The following ZFPM1 variants were observed in gnomAD, a reference collection of about 807,000 sequenced individuals.
The protein encoded by ZFPM1 is zinc finger protein, FOG family member 1, also known as zinc finger protein ZFPM1.
Under a neutral mutation model 46.3 loss-of-function variants are expected in ZFPM1, and 28 were observed. The ratio of observed to expected loss-of-function variants is 0.60; its 90% CI spans 0.45 to 0.83. The LOEUF (loss-of-function observed/expected upper bound fraction) is 0.83. Among genes scored for constraint, ZFPM1 ranks in the 40% least tolerant of loss-of-function variants. The pLI is 0.00. For missense variants in ZFPM1, 1,878 were observed against 1,432.4 expected, an observed-to-expected ratio of 1.31 and a Z score of -5.02; for synonymous variants, 957 against 675.9, an observed-to-expected ratio of 1.42 and a Z score of -6.45.
At position 88,532,813 on chromosome 16, in the gene ZFPM1, T is replaced by G. The variant is rs763202383; in HGVS notation, c.1067T>G (p.Ile356Ser). Residue 356 changes from isoleucine to serine, a missense_variant, in exon 9 of 10, where the codon ATC becomes AGC. Ile to Ser is a moderately radical substitution (Grantham distance 142). Coordinates refer to ENST00000319555, the MANE Select transcript of ZFPM1 (RefSeq NM_153813.3). ...GGTGTCTGCCACAGCTGTGGCTTCA[T>G]CTCCACCACAAGGGACATCCTCTAC... ...LSGVCHSCGF[I>S]STTRDILYSH... 5.0e-6 allele frequency: 8 copies of G among 1,613,160 alleles called. No homozygotes were observed. In the Admixed American group the frequency reaches 6.7e-5, roughly 13 times the overall value.
intron 6 of ZFPM1, among the ~76,000 whole-genome samples, chr16:88,528,941 C>G (rs1043257940): frequency 7.2e-5 from 11 of 152,200 alleles, no homozygotes; most frequent in African/African-American, 2.7e-4. Flanking sequence ...GCCACTCTTG[C>G]AGTGGCTCTC....
chr16:88,533,571 C>A lies in ZFPM1; in HGVS notation c.1613C>A (p.Pro538His). Residue 538 changes from proline to histidine, a missense_variant, in exon 10 of 10, where the codon CCC becomes CAC. By Grantham distance (77) the Pro-to-His change is moderately conservative (BLOSUM62 -2). Transcript: ENST00000319555. ...QYVFGPDAAP[P>H]ASEILAKMSE... ...GTGTTCGGGCCCGACGCGGCGCCCC[C>A]CGCCTCGGAGATCCTGGCCAAGATG... is the stretch of plus-strand genomic sequence containing the variant. 1 of 1,496,902 alleles carries A rather than the reference C, an allele frequency of 6.7e-7. No homozygotes were observed. Among genetic ancestry groups the A allele is most frequent in the East Asian group, 2.9e-5 (1 of 34,296 alleles). The allele number at this position is 1,496,902 out of a possible 1,614,324, so 92.7% of individuals were successfully genotyped here.
rs769724851 is a variant in ZFPM1, at chr16:88,532,038, A to G, written c.749A>G (p.Tyr250Cys). The G allele has an allele frequency of 1.9e-6, 3 of 1,611,658 alleles. No individual in the cohort carries two copies. The highest frequency in any genetic ancestry group is 2.5e-6 in the Non-Finnish European group (3 of 1,179,170). ...VFPCKDCGIWYRSERNLQAHL... is the reference protein window; with the variant it reads ...VFPCKDCGIWCRSERNLQAHL... ...CCCTGCAAGGACTGTGGCATCTGGT[A>G]CCGCAGCGAGCGCAACCTGCAGGCG... The change falls in exon 7 of 10, where the codon TAC becomes TGC. Residue 250 changes from tyrosine (Y) to cysteine (C), a missense_variant. Physicochemically the swap from Tyr to Cys is radical, Grantham distance 194. Transcript: ENST00000319555.
At chr16:88,465,761 G>C (rs1908105788) in intron 1 of ZFPM1, among the ~76,000 whole-genome samples, 1 of 152,238 alleles carries the variant, frequency 6.6e-6, no homozygotes, top group Admixed American at 6.5e-5. Flanking sequence ...GCCCAGATGG[G>C]ACTCAGGTGC....
intron 4 of ZFPM1, chr16:88,516,738 G>A: frequency 2.5e-6 from 1 of 396,022 alleles, no homozygotes; most frequent in Middle Eastern, 6.3e-4. Context: ...CCCTCCCTGA[G>A]GAGGACGTTG....
At chr16:88,500,148 C>A (rs926042900) in intron 3 of ZFPM1, among the ~76,000 whole-genome samples, 4 of 152,186 alleles carry the variant, frequency 2.6e-5, no homozygotes, top group African/African-American at 9.6e-5. Flanking sequence ...CCACCAGCCC[C>A]CACCCAGGCC....
At position 88,519,499 on chromosome 16, in the gene ZFPM1, A is replaced by G. The variant is rs1020297468; in HGVS notation, c.402+4979A>G. ...GGATAGACATATGGGTGGATGGATG[A>G]GTGGGTGGGTAGATAGATGAATGGA... On this transcript the variant is annotated intron_variant, in intron 4 of 9. Coordinates refer to ENST00000319555, the MANE Select transcript of ZFPM1 (RefSeq NM_153813.3). Among the ~76,000 whole-genome samples, 4 of 136,046 alleles carry G rather than the reference A, an allele frequency of 2.9e-5. No individual in the cohort carries two copies. The Admixed American group carries it at 2.9e-4, about 10-fold the overall frequency. 89.3% of individuals were successfully genotyped at this position (136,046 alleles called of 152,430 possible). A position where few individuals can be genotyped will look rare whatever the true frequency, so the allele number is the denominator to read the frequency against.
At chr16:88,455,829 G>C (rs961852656) in intron 1 of ZFPM1, among the ~76,000 whole-genome samples, 4 of 152,160 alleles carry the variant, frequency 2.6e-5, no homozygotes, top group South Asian at 2.1e-4. Flanking sequence ...CCAGATGGCG[G>C]AGGCGATAGG....
intron 1 of ZFPM1, among the ~76,000 whole-genome samples, chr16:88,455,758 A>G (rs1907523902): frequency 6.6e-6 from 1 of 152,144 alleles, no homozygotes; most frequent in Admixed American, 6.5e-5. Context: ...AGGCGCTTCC[A>G]TTTATTAACT....
At chr16:88,528,967 G>T (rs1438080955) in intron 6 of ZFPM1, among the ~76,000 whole-genome samples, 1 of 152,214 alleles carries the variant, frequency 6.6e-6, no homozygotes, top group Non-Finnish European at 1.5e-5. Flanking sequence ...AACTCTGAGG[G>T]TGGCTGCGGG....
rs1393155124 is a variant in ZFPM1 at position 88,535,092 on chromosome 16, C to A, written c.*113C>A. 2.3e-6 allele frequency: 3 copies of A among 1,281,764 alleles called. No homozygotes were observed. Among genetic ancestry groups the A allele is most frequent in the East Asian group, 5.9e-5 (2 of 34,060 alleles). The allele number at this position is 1,281,764 out of a possible 1,614,324, so 79.4% of individuals were successfully genotyped here. A position where few individuals can be genotyped will look rare whatever the true frequency, so the allele number is the denominator to read the frequency against. ...TGGGAACCCCGCCACGCACAGGCCT[C>A]GGCGGAGGGGGCCGCAGGGGGCAGC... On this transcript the variant is annotated 3_prime_UTR_variant, in exon 10 of 10. Coordinates refer to ENST00000319555, the MANE Select transcript of ZFPM1 (RefSeq NM_153813.3).
chr16:88,481,545 G>A (rs1233651552), intron 1 of ZFPM1, among the ~76,000 whole-genome samples: 3 of 152,086 alleles, frequency 2.0e-5, no homozygotes, highest in Admixed American at 2.0e-4. Flanking sequence ...GTGGGTATTG[G>A]GATGTGGTTG....
rs757251573 is a variant in ZFPM1, at chr16:88,480,472, G to A, written c.41-5467G>A. On this transcript the variant is annotated intron_variant, in intron 1 of 9. Coordinates refer to ENST00000319555, the MANE Select transcript of ZFPM1 (RefSeq NM_153813.3). The surrounding 1 kb of genome is among the most constrained non-coding windows in gnomAD (Gnocchi z 4.9). The stretch of plus-strand genomic sequence containing the variant: ...GTGCTGGTGGGGGAGGAGCGGGGCC[G>A]TGTGGCTGCCAGTGGTCACCCGCCC... Among the ~76,000 whole-genome samples the A allele has an allele frequency of 7.9e-5, 12 of 152,312 alleles. No individual in the cohort carries two copies. Among genetic ancestry groups the A allele is most frequent in the East Asian group, 1.9e-4 (1 of 5,184 alleles).
Position 88,480,402 on chromosome 16 carries a change from C to T in ZFPM1, c.41-5537C>T, listed in dbSNP as rs1425840476. Among the ~76,000 whole-genome samples the T allele has an allele frequency of 2.0e-5, 3 of 152,112 alleles. No homozygotes were observed. The highest frequency in any genetic ancestry group is 1.9e-4 in the East Asian group (1 of 5,182). On this transcript the variant is annotated intron_variant, in intron 1 of 9. Transcript: ENST00000319555. The surrounding 1 kb of genome is among the most constrained non-coding windows in gnomAD (Gnocchi z 4.9). ...AGGAAGAAGTGAGTGTGTGAGGGGA[C>T]GGGTGAGTGAGGGAGCGGATGAAAG...
intron 4 of ZFPM1, among the ~76,000 whole-genome samples, chr16:88,525,820 T>C (rs536693060): frequency 4.6e-5 from 7 of 152,290 alleles, no homozygotes; most frequent in African/African-American, 1.7e-4. Flanking sequence ...ATGGGGCCCC[T>C]CGCATTTCCT....
intron 1 of ZFPM1, among the ~76,000 whole-genome samples, chr16:88,461,131 C>T (rs1422122489): frequency 2.6e-5 from 2 of 77,924 alleles, no homozygotes; most frequent in Admixed American, 1.5e-4. Context: ...AGGGATGGGG[C>T]GGGAGACCTG....
At position 88,459,057 on chromosome 16, in the gene ZFPM1, G is replaced by C. The variant is rs144363651; in HGVS notation, c.40+5379G>C. Reference sequence around the variant, plus strand: ...GGCGCCCGTCAGGGCTGAGCCCCTCGTTAGGGCCTGTGTGCAAGTCGAGAC... The same window carrying C: ...GGCGCCCGTCAGGGCTGAGCCCCTCCTTAGGGCCTGTGTGCAAGTCGAGAC... On this transcript the variant is annotated intron_variant, in intron 1 of 9. Transcript: ENST00000319555. 3.3e-3 allele frequency among the ~76,000 whole-genome samples: 510 copies of C among 152,350 alleles called. 1 individual carries two copies. Among genetic ancestry groups the C allele is most frequent in the African/African-American group, 0.012 (480 of 41,570 alleles).
chr16:88,516,004 G>A (rs139746017), intron 4 of ZFPM1: 37 of 397,082 alleles, frequency 9.3e-5, no homozygotes, highest in East Asian at 4.6e-4. Flanking sequence ...GGCAAAGACC[G>A]TAGGGGCTGA....
At chr16:88,467,889 A>G (rs1294550346) in intron 1 of ZFPM1, among the ~76,000 whole-genome samples, 1 of 152,134 alleles carries the variant, frequency 6.6e-6, no homozygotes, top group Non-Finnish European at 1.5e-5. Flanking sequence ...AGGAGGTGCT[A>G]TCGCCGTTAT....
Sources: allele counts gnomAD v4.1 joint callset (sites outside exome capture counted in the v4.1 genomes callset), GRCh38; gene constraint gnomAD v4.1.1; non-coding constraint Gnocchi (gnomAD v3.1); transcripts MANE v1.5; gene names NCBI Gene and HGNC (gene_info 2026-07-23, HGNC 2026-07-21).